Variants in PDS5A observed in about 807,000 individuals in gnomAD.
PDS5A encodes PDS5 cohesin associated factor A.
PDS5A carries 42 observed loss-of-function variants against 167.1 expected under a neutral mutation model. That is an observed-to-expected ratio of 0.25 (90% CI 0.20 to 0.33). The LOEUF is 0.33. Ranked by LOEUF, PDS5A falls within the 10% of genes least tolerant of loss-of-function variation. The pLI, the probability that PDS5A is intolerant of heterozygous loss-of-function variation, is 1.00. For synonymous variants in PDS5A, 553 were observed against 554.6 expected (o/e 1.00, Z 0.04); for missense variants, 1,033 against 1,605.9 (o/e 0.64, Z 6.10).
chr4:39,872,035 C>T (rs541194839), intron 21 of PDS5A, among the ~76,000 whole-genome samples: 15 of 151,924 alleles, frequency 9.9e-5, no homozygotes, highest in African/African-American at 2.4e-4. Context: ...GGTGTGTTTC[C>T]GAAATCATTT....
At chr4:39,830,726 A>G (rs1715783657) in intron 32 of PDS5A, among the ~76,000 whole-genome samples, 1 of 152,034 alleles carries the variant, frequency 6.6e-6, no homozygotes, top group Non-Finnish European at 1.5e-5. Context: ...TGCCCAGCCC[A>G]TTTGAACTAA....
At chr4:39,868,926 C>T (rs1488973774) in intron 22 of PDS5A, among the ~76,000 whole-genome samples, 2 of 152,138 alleles carry the variant, frequency 1.3e-5, no homozygotes, top group African/African-American at 4.8e-5. Context: ...AATTACCTAT[C>T]TTTGCCAAGT....
At chr4:39,888,946 A>G (rs747989332) in intron 17 of PDS5A, among the ~76,000 whole-genome samples, 1 of 152,202 alleles carries the variant, frequency 6.6e-6, no homozygotes, top group Non-Finnish European at 1.5e-5. Context: ...TCACCAATAC[A>G]CTGATTTGAT....
chr4:39,825,567 T>C (rs548780472), intron 32 of PDS5A, 79 bp from the exon 33 acceptor site: 378 of 1,063,310 alleles, frequency 3.6e-4, no homozygotes, highest in East Asian at 1.1e-3. Flanking sequence ...TTCATTTCCA[T>C]AGTTGTTATC....
chr4:39,912,969 TG>T (rs1276935989), intron 9 of PDS5A, among the ~76,000 whole-genome samples: 1 of 152,168 alleles, frequency 6.6e-6, no homozygotes, highest in Admixed American at 6.6e-5. Context: ...ATGAAAAAGT[TG>T]GTAGGCTGAC....
chr4:39,859,810 T>G (rs1035003764), intron 26 of PDS5A, among the ~76,000 whole-genome samples: 1 of 152,204 alleles, frequency 6.6e-6, no homozygotes, highest in Non-Finnish European at 1.5e-5. Flanking sequence ...CTGGGAGTGC[T>G]AGATGGGCAG....
At chr4:39,853,253 C>T (rs1718268488) in intron 26 of PDS5A, among the ~76,000 whole-genome samples, 1 of 152,184 alleles carries the variant, frequency 6.6e-6, no homozygotes, top group African/African-American at 2.4e-5. Context: ...AATTTTCCTT[C>T]TGGTACACTT....
chr4:39,883,157 C>A (rs1348995892), intron 17 of PDS5A, among the ~76,000 whole-genome samples: 1 of 152,136 alleles, frequency 6.6e-6, no homozygotes, highest in Non-Finnish European at 1.5e-5. Context: ...TATCTGCAAT[C>A]TGTCTTCTTT....
chr4:39,917,015 T>TAAAA, intron 8 of PDS5A, 33 bp downstream of exon 8: 6 of 1,119,046 alleles, frequency 5.4e-6, no homozygotes, highest in South Asian at 2.1e-5. Flanking sequence ...ACAAAAAAAT[T>TAAAA]AAAAAAAAAA....
intron 16 of PDS5A, among the ~76,000 whole-genome samples, chr4:39,891,292 C>T (rs927474865): frequency 5.3e-5 from 8 of 151,796 alleles, no homozygotes; most frequent in Non-Finnish European, 1.0e-4. Context: ...CCTCGGCCTC[C>T]CAAAATGCTG....
chr4:39,943,166 A>ACACG (rs1353090910), intron 2 of PDS5A, among the ~76,000 whole-genome samples: 8 of 143,742 alleles, frequency 5.6e-5, no homozygotes, highest in Non-Finnish European at 1.1e-4. Flanking sequence ...ACACACACAC[A>ACACG]CACGCACGCA....
rs1240632142 is a variant in PDS5A, at chr4:39,898,509, C to T, written c.1650G>A (p.Gly550=). 1.3e-6 allele frequency: 2 copies of T among 1,587,632 alleles called. No individual in the cohort carries two copies. Among genetic ancestry groups the T allele is most frequent in the African/African-American group, 2.7e-5 (2 of 73,736 alleles). The change falls in exon 16 of 33, where the codon GGG becomes GGA. Residue 550 remains glycine (G), a synonymous_variant. Coordinates refer to ENST00000303538, the MANE Select transcript of PDS5A (RefSeq NM_001100399.2). ...MTIAKNLPDP[G]KAQDFVKKFN... The stretch of plus-strand genomic sequence containing the variant: ...ATTTCTTCACAAAATCTTGTGCTTT[C>T]CCGGGGTCAGGCAAATTCTCTATAA...
Position 39,913,659 on chromosome 4 carries a change from G to C in PDS5A, c.944C>G (p.Ser315Cys), listed in dbSNP as rs1416906212. Residue 315 changes from serine to cysteine, a missense_variant, in exon 9 of 33, where the codon TCT becomes TGT. By Grantham distance (112) the Ser-to-Cys change is moderately radical. Transcript: ENST00000303538. ...LLAKLFGSKD[S>C]DLATQNRPLW... The stretch of plus-strand genomic sequence containing the variant: ...AGGACGATTCTGTGTTGCCAAATCA[G>C]AATCTTTGGAGCCAAACAATTTAGC... The C allele has an allele frequency of 1.2e-6, 2 of 1,611,512 alleles. No individual in the cohort carries two copies. Among genetic ancestry groups the C allele is most frequent in the Middle Eastern group, 3.3e-4 (2 of 6,056 alleles).
At chr4:39,872,139 A>C (rs1450410188) in intron 21 of PDS5A, among the ~76,000 whole-genome samples, 1 of 149,810 alleles carries the variant, frequency 6.7e-6, no homozygotes, top group Non-Finnish European at 1.5e-5. Flanking sequence ...ACAGTGTATT[A>C]TCTTAAAAAT....
Position 39,891,280 on chromosome 4 carries a change from C to T in PDS5A, c.1771-916G>A, listed in dbSNP as rs370431577. ...ACTCCCGAACTCAGGTGATCCAACC[C>T]GCCTCGGCCTCCCAAAATGCTGGGA... On this transcript the variant is annotated intron_variant, in intron 16 of 32. Coordinates refer to ENST00000303538, the MANE Select transcript of PDS5A (RefSeq NM_001100399.2). 2.0e-3 allele frequency among the ~76,000 whole-genome samples: 309 copies of T among 151,378 alleles called. 1 individual carries two copies. The highest frequency in any genetic ancestry group is 7.1e-3 in the African/African-American group (293 of 41,286).
chr4:39,897,893 G>T, intron 16 of PDS5A: 150 of 238,146 alleles, frequency 6.3e-4, no homozygotes, highest in Middle Eastern at 2.1e-3. Flanking sequence ...CTGAATAAAT[G>T]AATGCATAAG....
chr4:39,946,593 T>C (rs1278262721), intron 2 of PDS5A, among the ~76,000 whole-genome samples: 4 of 152,076 alleles, frequency 2.6e-5, no homozygotes, highest in Admixed American at 2.0e-4. Context: ...AGAATGAAAA[T>C]AGACATGTTA....
chr4:39,869,199 G>C (rs1442259263), intron 22 of PDS5A, among the ~76,000 whole-genome samples, 195 bp downstream of exon 22: 1 of 152,158 alleles, frequency 6.6e-6, no homozygotes, highest in Non-Finnish European at 1.5e-5. Context: ...AGCTAGGCAC[G>C]ATGGCTTAAG....
At chr4:39,935,375 G>A (rs1040212511) in intron 2 of PDS5A, among the ~76,000 whole-genome samples, 2 of 152,198 alleles carry the variant, frequency 1.3e-5, no homozygotes, top group Non-Finnish European at 2.9e-5. Context: ...TGGGATTATA[G>A]GCGTGAGCCA....
Sources: gnomAD v4.1 joint callset for allele counts (sites outside exome capture counted in the v4.1 genomes callset) on GRCh38, gnomAD v4.1.1 for gene constraint, MANE v1.5 for transcripts, NCBI Gene and HGNC (gene_info 2026-07-23, HGNC 2026-07-21) for gene names.